Variants in CAMLG observed in about 807,000 individuals in gnomAD.
CAMLG encodes the protein calcium modulating ligand, also known as guided entry of tail-anchored proteins factor CAMLG.
CAMLG carries 23 observed loss-of-function variants against 28.9 expected under a neutral mutation model. The observed-to-expected ratio is 0.80, with a 90% CI of 0.57 to 1.13. The LOEUF (loss-of-function observed/expected upper bound fraction) is 1.13, where lower values mean the gene tolerates loss of function less well. Ranked by LOEUF, CAMLG falls within the 50% of genes most tolerant of loss-of-function variation. The pLI is 0.00. For missense variants in CAMLG, 367 were observed against 371.9 expected, an observed-to-expected ratio of 0.99 and a Z score of 0.11; for synonymous variants, 141 against 146.5, an observed-to-expected ratio of 0.96 and a Z score of 0.27.
chr5:134,739,605 A>G (rs1385771126), intron 1 of CAMLG, among the ~76,000 whole-genome samples: 1 of 152,184 alleles, frequency 6.6e-6, no homozygotes, highest in Non-Finnish European at 1.5e-5. Flanking sequence ...AGTGTTATCT[A>G]AGTTTCCAGT....
intron 3 of CAMLG, among the ~76,000 whole-genome samples, chr5:134,745,538 G>A (rs1367879600): frequency 2.0e-5 from 3 of 151,920 alleles, no homozygotes; most frequent in Non-Finnish European, 4.4e-5. Flanking sequence ...GATCACCTGA[G>A]GTCAGGAGCT....
chr5:134,743,242 C>T lies in CAMLG; in HGVS notation c.634-745C>T, dbSNP rs112513871. On this transcript the variant is annotated intron_variant, in intron 2 of 3. Coordinates refer to ENST00000297156, the MANE Select transcript of CAMLG (RefSeq NM_001745.4). ...TCCCTCTGGGTGACCGAGATGTTACCGCATCTGTGTTACTGTGTTAAACAT... is the reference window on the plus strand; with the variant it reads ...TCCCTCTGGGTGACCGAGATGTTACTGCATCTGTGTTACTGTGTTAAACAT... 3.7e-3 allele frequency among the ~76,000 whole-genome samples: 561 copies of T among 152,140 alleles called. 3 individuals are homozygous for T. Among genetic ancestry groups the T allele is most frequent in the African/African-American group, 0.013 (535 of 41,502 alleles).
chr5:134,738,738 T>C lies in CAMLG; in HGVS notation c.118T>C (p.Ser40Pro). Residue 40 changes from serine (S) to proline (P), a missense_variant, in exon 1 of 4, where the codon TCG (serine) becomes CCG (proline). Coordinates refer to ENST00000297156, the MANE Select transcript of CAMLG (RefSeq NM_001745.4). Reference sequence around the variant, plus strand: ...GCGTCGGAGAAAGCTGCTCATGAACTCGGAACAGCGCATCAACCGGATCAT... The same window carrying C: ...GCGTCGGAGAAAGCTGCTCATGAACCCGGAACAGCGCATCAACCGGATCAT... ...ELRRRKLLMN[S>P]EQRINRIMGF... 6.2e-7 allele frequency: 1 copy of C among 1,613,932 alleles called. No individual in the cohort carries two copies. Among genetic ancestry groups the C allele is most frequent in the African/African-American group, 1.3e-5 (1 of 74,974 alleles).
chr5:134,738,548 C>CTCTAGTCA lies in CAMLG; in HGVS notation c.-70_-63dup. On this transcript the variant is annotated 5_prime_UTR_variant, in exon 1 of 4. Transcript: ENST00000297156. ...GGGGACGCGCGCCCTGCGGCCCGGCCTCTAGTCATCGCCCTCGCAGCGGCG... is the reference window on the plus strand; with the variant it reads ...GGGGACGCGCGCCCTGCGGCCCGGCCTCTAGTCATCTAGTCATCGCCCTCGCAGCGGCG... The CTCTAGTCA allele has an allele frequency of 7.6e-7, 1 of 1,318,228 alleles. No homozygotes were observed. 81.7% of individuals were successfully genotyped at this position (1,318,228 alleles called of 1,614,324 possible). A position where few individuals can be genotyped will look rare whatever the true frequency, so the allele number is the denominator to read the frequency against.
At position 134,741,176 on chromosome 5, in the gene CAMLG, A is replaced by G. The variant is rs769734815; in HGVS notation, c.286A>G (p.Thr96Ala). The G allele has an allele frequency of 1.7e-5, 27 of 1,614,080 alleles. No individual in the cohort carries two copies. The highest frequency in any genetic ancestry group is 2.2e-5 in the Non-Finnish European group (26 of 1,180,030). Residue 96 changes from threonine (T) to alanine (A), a missense_variant, in exon 2 of 4, where the codon ACT becomes GCT. Thr to Ala is a moderately conservative substitution (Grantham distance 58, BLOSUM62 0). Coordinates refer to ENST00000297156, the MANE Select transcript of CAMLG (RefSeq NM_001745.4). ...GGGTGATTCAGTCAGTACAGGAACA[A>G]CTGACCAGCAGGGTGGTGTGGCCGA... ...VLGDSVSTGT[T>A]DQQGGVAEVK...
At chr5:134,746,433 A>T (rs192468711) in intron 3 of CAMLG, among the ~76,000 whole-genome samples, 87 of 152,158 alleles carry the variant, frequency 5.7e-4, no homozygotes, top group African/African-American at 1.6e-3. Flanking sequence ...GAAAAGGGAG[A>T]CTTTATATAT....
intron 3 of CAMLG, among the ~76,000 whole-genome samples, chr5:134,750,510 C>T (rs967645656): frequency 8.6e-5 from 13 of 151,932 alleles, no homozygotes; most frequent in Non-Finnish European, 1.5e-5. Flanking sequence ...TGCACTCCAA[C>T]CTGGGCAACA....
At position 134,742,884 on chromosome 5, in the gene CAMLG, A is replaced by G. The variant is rs971654292; in HGVS notation, c.634-1103A>G. ...CTCCCGAGTAGCTGGGACTACAGGC[A>G]TGTGCCAACACGCACGGCTAATTTT... is the stretch of plus-strand genomic sequence containing the variant. On this transcript the variant is annotated intron_variant, in intron 2 of 3. Transcript: ENST00000297156. Among the ~76,000 whole-genome samples the G allele has an allele frequency of 3.9e-5, 6 of 152,084 alleles. No homozygotes were observed. The South Asian group carries it at 1.2e-3, about 31-fold the overall frequency.
At chr5:134,739,919 A>T (rs1347323050) in intron 1 of CAMLG, among the ~76,000 whole-genome samples, 2 of 152,314 alleles carry the variant, frequency 1.3e-5, no homozygotes, top group Admixed American at 6.5e-5. Context: ...TCTGTAGGCC[A>T]GGCTGGAGTG....
intron 3 of CAMLG, among the ~76,000 whole-genome samples, chr5:134,749,370 C>T (rs1262871394): frequency 2.0e-5 from 3 of 152,034 alleles, no homozygotes; most frequent in African/African-American, 7.2e-5. Context: ...ACCCGGCCAA[C>T]TATAGGTTTT....
At position 134,741,367 on chromosome 5, in the gene CAMLG, C is replaced by T. The variant is rs756063078; in HGVS notation, c.477C>T (p.Phe159=). 8.1e-6 allele frequency: 13 copies of T among 1,614,090 alleles called. No homozygotes were observed. The highest frequency in any genetic ancestry group is 3.3e-5 in the Admixed American group (2 of 60,006). The part of the protein sequence containing the change: ...RHGLEQYLSR[F]EEAMKLRKQL... ...GCCTAGAGCAGTACCTTTCCAGATT[C>T]GAAGAAGCAATGAAGCTAAGGAAAC... Residue 159 remains phenylalanine, a synonymous_variant, in exon 2 of 4, where the codon TTC becomes TTT. Coordinates refer to ENST00000297156, the MANE Select transcript of CAMLG (RefSeq NM_001745.4).
chr5:134,748,857 T>A (rs181849735), intron 3 of CAMLG, among the ~76,000 whole-genome samples: 2 of 152,270 alleles, frequency 1.3e-5, no homozygotes, highest in Admixed American at 1.3e-4. Flanking sequence ...ATTTTTGAGA[T>A]TTATCCATGT....
rs376937831 is a variant in CAMLG, at chr5:134,743,049, TTTG to T, written c.634-923_634-921del. ...CGCCGCACCCAGCCAAGCATTTAGT[TTTG>T]TTGTTGTTGTTGTTTTAGAGATAGG... On this transcript the variant is annotated intron_variant, in intron 2 of 3. Coordinates refer to ENST00000297156, the MANE Select transcript of CAMLG (RefSeq NM_001745.4). 9.1e-3 allele frequency among the ~76,000 whole-genome samples: 1,389 copies of T among 152,160 alleles called. 9 individuals carry two copies. The highest frequency in any genetic ancestry group is 0.016 in the Non-Finnish European group (1,108 of 67,998).
rs1476476133 is a variant in CAMLG, at chr5:134,751,787, TCTC to T, written c.*840_*842del. ...CCTCCACCTTCCTGGTTCAAGGGAT[TCTC>T]CTGCCTCAGCCTCCCAAGTAGCTGG... is the stretch of plus-strand genomic sequence containing the variant. On this transcript the variant is annotated 3_prime_UTR_variant, in exon 4 of 4. Coordinates refer to ENST00000297156, the MANE Select transcript of CAMLG (RefSeq NM_001745.4). 5 of 152,418 alleles carry T rather than the reference TCTC, an allele frequency of 3.3e-5. No homozygotes were observed. Among genetic ancestry groups the T allele is most frequent in the African/African-American group, 1.2e-4 (5 of 41,574 alleles). The allele number at this position is 152,418 out of a possible 1,614,324, so 9.4% of individuals were successfully genotyped here. A position where few individuals can be genotyped will look rare whatever the true frequency, so the allele number is the denominator to read the frequency against.
chr5:134,744,527 CAAAAA>C (rs751658223), intron 3 of CAMLG, among the ~76,000 whole-genome samples: 1 of 60,612 alleles, frequency 1.6e-5, no homozygotes, highest in Non-Finnish European at 3.8e-5. Flanking sequence ...ACTCTGTCTC[CAAAAA>C]AAAAAAAAAA....
intron 1 of CAMLG, among the ~76,000 whole-genome samples, chr5:134,739,071 CT>C (rs1752953502): frequency 2.6e-5 from 4 of 152,014 alleles, no homozygotes; most frequent in Admixed American, 1.3e-4. Flanking sequence ...TGAACAGCCC[CT>C]TTTTTCCTTA....
At chr5:134,740,655 T>C (rs991840219) in intron 1 of CAMLG, among the ~76,000 whole-genome samples, 21 of 151,914 alleles carry the variant, frequency 1.4e-4, no homozygotes, top group Admixed American at 7.9e-4. Context: ...GCAGATGGAG[T>C]GTAGTGGCGC....
rs1453678676 is a variant in CAMLG at position 134,742,979 on chromosome 5, C to A, written c.634-1008C>A. On this transcript the variant is annotated intron_variant, in intron 2 of 3. Coordinates refer to ENST00000297156, the MANE Select transcript of CAMLG (RefSeq NM_001745.4). The stretch of plus-strand genomic sequence containing the variant: ...GGTCTCCATCTCCTGACCTCATGAT[C>A]CACCCAACTCTGCCTCCCAAAGTGC... 2.0e-5 allele frequency among the ~76,000 whole-genome samples: 3 copies of A among 152,168 alleles called. No individual in the cohort carries two copies. In the East Asian group the frequency reaches 5.8e-4, roughly 29 times the overall value.
intron 3 of CAMLG, among the ~76,000 whole-genome samples, chr5:134,745,706 CTG>C (rs1351741858): frequency 6.6e-6 from 1 of 150,376 alleles, no homozygotes; most frequent in Non-Finnish European, 1.5e-5. Context: ...TGAGCCCAGA[CTG>C]TGCCATTGCA....
Sources: allele counts gnomAD v4.1 joint callset (sites outside exome capture counted in the v4.1 genomes callset), GRCh38; gene constraint gnomAD v4.1.1; transcripts MANE v1.5; gene names NCBI Gene and HGNC (gene_info 2026-07-23, HGNC 2026-07-21).